The following NDRG1 variants were observed in gnomAD, a reference collection of about 807,000 sequenced individuals.
NDRG1 encodes N-myc downstream regulated 1.
Under a neutral mutation model 56.9 loss-of-function variants are expected in NDRG1, and 32 were observed. That is an observed-to-expected ratio of 0.56 (90% confidence interval 0.42 to 0.76). NDRG1 has a LOEUF of 0.76. Ranked by LOEUF, NDRG1 falls within the 30% of genes least tolerant of loss-of-function variation. The probability of loss-of-function intolerance (pLI) is 0.00; values close to 1 mark genes in which losing one functional copy is unlikely to be tolerated. For missense variants in NDRG1, 507 were observed against 545.7 expected (o/e 0.93, Z 0.71); for synonymous variants, 211 against 204.1 (o/e 1.03, Z -0.29).
rs1855125415 is a variant in NDRG1, at chr8:133,237,598, G to A, written c.*1280C>T. 4.3e-6 allele frequency: 1 copy of A among 233,224 alleles called. No individual in the cohort carries two copies. Among genetic ancestry groups the A allele is most frequent in the East Asian group, 6.0e-5 (1 of 16,580 alleles). The allele number at this position is 233,224 out of a possible 1,614,324, so 14.4% of individuals were successfully genotyped here. On this transcript the variant is annotated 3_prime_UTR_variant, in exon 16 of 16. Coordinates refer to ENST00000323851, the MANE Select transcript of NDRG1 (RefSeq NM_006096.4). ...CCATTCGGCGAAAGGTTAGGGAGCA[G>A]GAAAAGAGGAAGCAGGAGAGGGAAG... is the stretch of plus-strand genomic sequence containing the variant.
intron 14 of NDRG1, 151 bp downstream of exon 14, chr8:133,244,204 G>A (rs754394180): frequency 2.1e-6 from 2 of 966,856 alleles, no homozygotes. Flanking sequence ...GGGAATCAGA[G>A]TCCTCCTATA....
intron 3 of NDRG1, chr8:133,265,054 G>T: frequency 3.5e-6 from 1 of 286,338 alleles, no homozygotes; most frequent in African/African-American, 2.2e-5. Flanking sequence ...GCTGGCTTGG[G>T]GCTACACAGA....
chr8:133,263,182 C>T (rs747641860), intron 4 of NDRG1, among the ~76,000 whole-genome samples: 1 of 152,012 alleles, frequency 6.6e-6, no homozygotes, highest in Non-Finnish European at 1.5e-5. Context: ...TAGCATGGAC[C>T]TGGTACAAAA....
intron 4 of NDRG1, among the ~76,000 whole-genome samples, chr8:133,264,152 G>A (rs887078072): frequency 1.1e-4 from 17 of 152,146 alleles, no homozygotes; most frequent in Admixed American, 1.1e-3. Flanking sequence ...GAAAAGGAAA[G>A]TCAATGAAGG....
At chr8:133,250,206 C>A (rs1315142802) in intron 10 of NDRG1, among the ~76,000 whole-genome samples, 1 of 152,178 alleles carries the variant, frequency 6.6e-6, no homozygotes, top group Non-Finnish European at 1.5e-5. Context: ...ACGTCTGCAC[C>A]CCCAGTGGTC....
intron 1 of NDRG1, among the ~76,000 whole-genome samples, chr8:133,290,287 AGCCACAGGAAG>A (rs1344097502): frequency 1.3e-5 from 2 of 152,320 alleles, no homozygotes; most frequent in African/African-American, 4.8e-5. Context: ...CAGGAAGAGC[AGCCACAGGAAG>A]GCAACAATGT....
At chr8:133,261,495 T>C (rs1378670899) in intron 5 of NDRG1, among the ~76,000 whole-genome samples, 1 of 152,100 alleles carries the variant, frequency 6.6e-6, no homozygotes, top group African/African-American at 2.4e-5. Context: ...GTCTGGAAAA[T>C]GGAGCTAACA....
At position 133,239,126 on chromosome 8, in the gene NDRG1, G is replaced by T; in HGVS notation, c.944-7C>A. ...GTCATGCTAGCCGAGGGCACTAGGG[G>T]AACAAGAGACAGCCGGTTAGAGGGC... On this transcript the variant is annotated splice_region_variant and splice_polypyrimidine_tract_variant and intron_variant, in intron 15 of 15. Coordinates refer to ENST00000323851, the MANE Select transcript of NDRG1 (RefSeq NM_006096.4). 6.4e-7 allele frequency: 1 copy of T among 1,553,506 alleles called. No homozygotes were observed. The highest frequency in any genetic ancestry group is 8.7e-7 in the Non-Finnish European group (1 of 1,148,124).
chr8:133,264,741 T>C, intron 3 of NDRG1, 89 bp from the exon 4 acceptor site: 1 of 1,128,472 alleles, frequency 8.9e-7, no homozygotes, highest in East Asian at 2.4e-5. Flanking sequence ...CCAACTGTGT[T>C]TTGAGGAAGC....
At chr8:133,242,738 AGAAGGAAG>A (rs371193206) in intron 14 of NDRG1, among the ~76,000 whole-genome samples, 1 of 151,958 alleles carries the variant, frequency 6.6e-6, no homozygotes, top group Non-Finnish European at 1.5e-5. Context: ...AGAAAGGAAG[AGAAGGAAG>A]GAAGGAAGGA....
intron 12 of NDRG1, 137 bp from the exon 13 acceptor site, chr8:133,246,800 T>C (rs1855709149): frequency 1.2e-5 from 10 of 841,826 alleles, no homozygotes; most frequent in Non-Finnish European, 1.8e-5. Context: ...TGTGGAGTTA[T>C]TGGGATTCAG....
At chr8:133,283,096 C>T (rs910583203) in intron 2 of NDRG1, among the ~76,000 whole-genome samples, 1 of 152,242 alleles carries the variant, frequency 6.6e-6, no homozygotes, top group African/African-American at 2.4e-5. Context: ...TATTCACCAA[C>T]GTCCGCTGGC....
In NDRG1 at chr8:133,242,197, G is replaced by A. The variant is rs2233344; in HGVS notation, c.892-123C>T. On this transcript the variant is annotated intron_variant, in intron 14 of 15. Coordinates refer to ENST00000323851, the MANE Select transcript of NDRG1 (RefSeq NM_006096.4). The stretch of plus-strand genomic sequence containing the variant: ...TTTGGCTCAAGACAAAAGCCATCAC[G>A]TGTTGACAGGACAAAACACAAAAGT... The A allele has an allele frequency of 8.7e-5, 82 of 945,284 alleles. No homozygotes were observed. The East Asian group carries it at 1.4e-3, about 16-fold the overall frequency. The allele number at this position is 945,284 out of a possible 1,614,324, so 58.6% of individuals were successfully genotyped here.
intron 3 of NDRG1, among the ~76,000 whole-genome samples, chr8:133,269,106 AAG>A (rs1452305554): frequency 6.6e-6 from 1 of 152,120 alleles, no homozygotes; most frequent in Admixed American, 6.5e-5. Flanking sequence ...TGTTTTCCCA[AAG>A]AGAAAGCACA....
intron 8 of NDRG1, chr8:133,256,359 TTAA>T (rs781364337): frequency 2.3e-4 from 44 of 192,610 alleles, no homozygotes; most frequent in Non-Finnish European, 2.6e-4. Context: ...TTATTTTTCT[TTAA>T]TAATATGTGA....
intron 3 of NDRG1, among the ~76,000 whole-genome samples, chr8:133,268,247 C>T (rs1313188954): frequency 6.6e-6 from 1 of 152,148 alleles, no homozygotes; most frequent in Non-Finnish European, 1.5e-5. Context: ...CTAAGGGCAT[C>T]GATCCATGTT....
chr8:133,294,830 A>G (rs903895205), intron 1 of NDRG1, among the ~76,000 whole-genome samples: 1 of 152,124 alleles, frequency 6.6e-6, no homozygotes, highest in Non-Finnish European at 1.5e-5. Flanking sequence ...AAGTTTCCTC[A>G]CCAGAAATTC....
At chr8:133,250,333 T>A in intron 10 of NDRG1, 107 bp downstream of exon 10, 1 of 1,050,494 alleles carries the variant, frequency 9.5e-7, no homozygotes, top group Non-Finnish European at 1.5e-6. Flanking sequence ...ACTCAGAGCC[T>A]GCCTCTTCCG....
At chr8:133,244,664 C>G (rs1177449753) in intron 13 of NDRG1, 7 of 572,912 alleles carry the variant, frequency 1.2e-5, no homozygotes, top group Non-Finnish European at 2.2e-5. Flanking sequence ...CCCCAAGAAC[C>G]ATGGAAGGTA....
Sources: gnomAD v4.1 joint callset for allele counts (sites outside exome capture counted in the v4.1 genomes callset) on GRCh38, gnomAD v4.1.1 for gene constraint, MANE v1.5 for transcripts, NCBI Gene and HGNC (gene_info 2026-07-23, HGNC 2026-07-21) for gene names.